Variants in OXR1 observed in about 807,000 individuals in gnomAD.
OXR1 encodes oxidation resistance 1, also known as oxidation resistance protein 1.
OXR1 carries 41 observed loss-of-function variants against 104.6 expected under a neutral mutation model. That is an observed-to-expected ratio of 0.39 (90% CI 0.31 to 0.51). The LOEUF (loss-of-function observed/expected upper bound fraction) is 0.51, where lower values mean the gene tolerates loss of function less well. OXR1 is among the 20% of genes least tolerant of loss of function. The pLI, the probability that OXR1 is intolerant of heterozygous loss-of-function variation, is 0.77. For missense variants in OXR1, 955 were observed against 1,031.9 expected (o/e 0.93, Z 1.02); for synonymous variants, 348 against 348.4 (o/e 1.00, Z 0.01).
At chr8:106,298,377 A>T (rs750739247) in intron 1 of OXR1, among the ~76,000 whole-genome samples, 28 of 152,186 alleles carry the variant, frequency 1.8e-4, no homozygotes, top group Non-Finnish European at 1.6e-4. Flanking sequence ...TTATAAAACC[A>T]TCAGATCTTG....
Position 106,710,628 on chromosome 8 carries a change from C to T in OXR1, c.1631C>T (p.Ala544Val). ...TSADGHIESS[A>V]LLKEKQRHRL... ...GTTTGCATCTCAATTCTAGGTTCTGCACTTTTAAAAGAAAAGCAAAGGCAT... is the reference window on the plus strand; with the variant it reads ...GTTTGCATCTCAATTCTAGGTTCTGTACTTTTAAAAGAAAAGCAAAGGCAT... Residue 544 changes from alanine to valine, a missense_variant, in exon 10 of 17, where the codon GCA becomes GTA. Around this residue, in one of 2 missense-constraint regions of OXR1, gnomAD observed 849 missense variants for 852.9 expected, o/e 1.00. Transcript: ENST00000517566. 3 of 1,583,646 alleles carry T rather than the reference C, an allele frequency of 1.9e-6. No homozygotes were observed.
At chr8:106,693,424 C>CTTTTTTTTTTTTTTTTTTTTTTTTTTT (rs11384137) in intron 7 of OXR1, among the ~76,000 whole-genome samples, 2 of 97,556 alleles carry the variant, frequency 2.1e-5, no homozygotes, top group Non-Finnish European at 2.0e-5. Context: ...TAGTCAGAAT[C>CTTTTTTTTTTTTTTTTTTTTTTTTTTT]TTTTTTTTTT....
At position 106,707,115 on chromosome 8, in the gene OXR1, A is replaced by G; in HGVS notation, c.1594A>G (p.Lys532Glu). 6.2e-7 allele frequency: 1 copy of G among 1,613,918 alleles called. No homozygotes were observed. Among genetic ancestry groups the G allele is most frequent in the Non-Finnish European group, 8.5e-7 (1 of 1,179,868 alleles). ...QQVSQKEAKH[K>E]ITSADGHIES... ...AGTGTCACAAAAAGAAGCTAAGCAT[A>G]AAATTACATCTGCTGATGGACACAT... The change falls in exon 9 of 17, where the codon AAA becomes GAA. Residue 532 changes from lysine (K) to glutamate (E), a missense_variant. Coordinates refer to ENST00000517566, the MANE Select transcript of OXR1 (RefSeq NM_001198533.2).
chr8:106,555,973 AAG>A (rs1470614845), intron 3 of OXR1, among the ~76,000 whole-genome samples: 1 of 148,362 alleles, frequency 6.7e-6, no homozygotes, highest in Non-Finnish European at 1.5e-5. Flanking sequence ...AAACTATAAA[AAG>A]AAATGAAGTA....
chr8:106,395,952 G>A (rs10087808), intron 2 of OXR1, among the ~76,000 whole-genome samples: 96,352 of 151,560 alleles, frequency 0.64, 30,806 homozygotes, highest in Middle Eastern at 0.67. Context: ...GGGGCACAGG[G>A]GCCAACCTAA....
chr8:106,407,638 A>G (rs1818292046), intron 2 of OXR1, among the ~76,000 whole-genome samples: 1 of 152,130 alleles, frequency 6.6e-6, no homozygotes, highest in Admixed American at 6.6e-5. Flanking sequence ...ACTGTTATTT[A>G]TTACTTGATA....
chr8:106,699,268 T>C (rs1478849512), intron 7 of OXR1, among the ~76,000 whole-genome samples: 1 of 152,212 alleles, frequency 6.6e-6, no homozygotes, highest in Non-Finnish European at 1.5e-5. Context: ...TCTCTTCTTA[T>C]CGTTGGATAG....
intron 3 of OXR1, among the ~76,000 whole-genome samples, chr8:106,598,013 C>T (rs1819659590): frequency 6.6e-6 from 1 of 152,198 alleles, no homozygotes; most frequent in Non-Finnish European, 1.5e-5. Context: ...TCATTTATTT[C>T]CCAGTGCTAG....
chr8:106,306,336 T>A (rs950242), intron 1 of OXR1, among the ~76,000 whole-genome samples: 79,546 of 151,830 alleles, frequency 0.52, 22,098 homozygotes, highest in African/African-American at 0.72. Flanking sequence ...AAGCTTCCGG[T>A]ATCCATTATA....
chr8:106,494,974 C>T (rs1811321335), intron 2 of OXR1, among the ~76,000 whole-genome samples: 1 of 152,136 alleles, frequency 6.6e-6, no homozygotes, highest in African/African-American at 2.4e-5. Context: ...TCACTGTGTT[C>T]CCAGCACCTG....
intron 1 of OXR1, among the ~76,000 whole-genome samples, chr8:106,340,232 A>G (rs954142213): frequency 6.6e-6 from 1 of 152,092 alleles, no homozygotes; most frequent in African/African-American, 2.4e-5. Flanking sequence ...AAAAAAAAAA[A>G]AAACCTTCTG....
intron 1 of OXR1, among the ~76,000 whole-genome samples, chr8:106,315,170 TTTTG>T (rs998393216): frequency 5.9e-5 from 9 of 152,098 alleles, no homozygotes; most frequent in African/African-American, 1.9e-4. Flanking sequence ...TGCTCAAGTT[TTTTG>T]TTTGTTTGTT....
chr8:106,631,070 C>T (rs901001038), intron 3 of OXR1, among the ~76,000 whole-genome samples: 1 of 152,018 alleles, frequency 6.6e-6, no homozygotes, highest in African/African-American at 2.4e-5. Context: ...GTAAGAAAGA[C>T]CAACAATATG....
chr8:106,452,219 A>G (rs1322030910), intron 2 of OXR1, among the ~76,000 whole-genome samples: 2 of 152,210 alleles, frequency 1.3e-5, no homozygotes, highest in South Asian at 4.1e-4. Flanking sequence ...ACAAATATCC[A>G]GAAGAGAAGC....
intron 2 of OXR1, among the ~76,000 whole-genome samples, chr8:106,426,847 C>T (rs368243886): frequency 7.9e-5 from 12 of 152,096 alleles, no homozygotes; most frequent in African/African-American, 1.9e-4. Flanking sequence ...TTATAATCAG[C>T]GATTTGTGAC....
chr8:106,335,457 T>C (rs558903942), intron 1 of OXR1, among the ~76,000 whole-genome samples: 1 of 152,298 alleles, frequency 6.6e-6, no homozygotes, highest in Non-Finnish European at 1.5e-5. Flanking sequence ...CTACTAATAG[T>C]GTACTCATAC....
rs180826019 is a variant in OXR1 at position 106,661,992 on chromosome 8, T to A, written c.221-17218T>A. On this transcript the variant is annotated intron_variant, in intron 3 of 16. Coordinates refer to ENST00000517566, the MANE Select transcript of OXR1 (RefSeq NM_001198533.2). Reference sequence around the variant, plus strand: ...GGAAGGAATAGAAGCAGGGGTCCACTTTTTCATTTTAGTCCTTTTTGGCCC... The same window carrying A: ...GGAAGGAATAGAAGCAGGGGTCCACATTTTCATTTTAGTCCTTTTTGGCCC... Among the ~76,000 whole-genome samples, 11 of 152,316 alleles carry A rather than the reference T, an allele frequency of 7.2e-5. No individual in the cohort carries two copies. In the East Asian group the frequency reaches 1.9e-3, roughly 27 times the overall value.
At chr8:106,409,727 T>TTTC (rs1287679774) in intron 2 of OXR1, among the ~76,000 whole-genome samples, 20 of 152,292 alleles carry the variant, frequency 1.3e-4, no homozygotes, top group African/African-American at 4.8e-4. Flanking sequence ...AAAGGCTTAG[T>TTTC]TACAGTTGGG....
At chr8:106,352,887 C>T (rs1046428100) in intron 1 of OXR1, among the ~76,000 whole-genome samples, 2 of 152,174 alleles carry the variant, frequency 1.3e-5, no homozygotes, top group Admixed American at 6.5e-5. Flanking sequence ...TGATTTTACT[C>T]TATAAGCATA....
Sources: allele counts gnomAD v4.1 joint callset (sites outside exome capture counted in the v4.1 genomes callset), GRCh38; gene constraint gnomAD v4.1.1; regional missense constraint gnomAD v4.1.1; transcripts MANE v1.5; gene names NCBI Gene and HGNC (gene_info 2026-07-23, HGNC 2026-07-21).